The following XRRA1 variants were observed in gnomAD, a reference collection of about 807,000 sequenced individuals.
XRRA1 encodes the protein X-ray radiation resistance-associated protein 1.
In XRRA1, 69 loss-of-function variants were observed where a neutral mutation model predicts 80.2. The ratio of observed to expected loss-of-function variants is 0.86; its 90% CI spans 0.71 to 1.05. XRRA1 has a LOEUF of 1.05. Among genes scored for constraint, XRRA1 ranks in the 50% least tolerant of loss-of-function variants. The pLI, the probability that XRRA1 is intolerant of heterozygous loss-of-function variation, is 0.00. For missense variants in XRRA1, 967 were observed against 976.4 expected, an observed-to-expected ratio of 0.99 and a Z score of 0.13; for synonymous variants, 348 against 389.9, an observed-to-expected ratio of 0.89 and a Z score of 1.27.
rs909106622 is a variant in XRRA1 at position 74,944,491 on chromosome 11, G to C, written c.-5+527C>G. Among the ~76,000 whole-genome samples, 102 of 152,278 alleles carry C rather than the reference G, an allele frequency of 6.7e-4. 2 individuals carry two copies. The highest frequency in any genetic ancestry group is 2.2e-3 in the African/African-American group (92 of 41,550). Reference sequence around the variant, plus strand: ...ATAACAGATTCCATAAATATTTGTGGAATAAATGAATCAATGTTGGTACCT... The same window carrying C: ...ATAACAGATTCCATAAATATTTGTGCAATAAATGAATCAATGTTGGTACCT... On this transcript the variant is annotated intron_variant, in intron 2 of 18. Transcript: ENST00000684022.
intron 5 of XRRA1, among the ~76,000 whole-genome samples, chr11:74,931,157 C>T (rs906391897): frequency 3.3e-5 from 4 of 120,876 alleles, no homozygotes; most frequent in Non-Finnish European, 5.8e-5. Flanking sequence ...TGTGTATCAA[C>T]TATATATAAT....
intron 5 of XRRA1, chr11:74,931,838 T>C (rs1261732839): frequency 6.6e-6 from 1 of 152,240 alleles, no homozygotes; most frequent in African/African-American, 2.4e-5. Flanking sequence ...AGCACATTGT[T>C]CTCCAAAGTA....
intron 14 of XRRA1, 32 bp from the exon 15 acceptor site, chr11:74,848,494 T>C (rs1261671103): frequency 1.4e-5 from 21 of 1,553,338 alleles, no homozygotes; most frequent in African/African-American, 2.7e-5. Context: ...ATGAATTTGC[T>C]TCCTAATTAG....
At chr11:74,902,009 C>T (rs1450704578) in intron 10 of XRRA1, among the ~76,000 whole-genome samples, 1 of 152,202 alleles carries the variant, frequency 6.6e-6, no homozygotes, top group Admixed American at 6.5e-5. Context: ...CATGTGCAAA[C>T]TACCCATCTG....
In XRRA1 at chr11:74,921,364, A is replaced by T; in HGVS notation, c.523-17T>A. 2 of 1,613,730 alleles carry T rather than the reference A, an allele frequency of 1.2e-6. No individual in the cohort carries two copies. The highest frequency in any genetic ancestry group is 2.2e-5 in the South Asian group (2 of 91,054). ...GTCCAAGAACTGCCATGCAAAGATG[A>T]AAGATGGGGAAGGTAAGCACTCTGT... On this transcript the variant is annotated splice_polypyrimidine_tract_variant and intron_variant, in intron 7 of 18. Coordinates refer to ENST00000684022, the MANE Select transcript of XRRA1 (RefSeq NM_001378157.1).
intron 10 of XRRA1, among the ~76,000 whole-genome samples, chr11:74,877,566 C>A (rs887978557): frequency 2.0e-5 from 3 of 151,298 alleles, no homozygotes; most frequent in Non-Finnish European, 4.4e-5. Flanking sequence ...CACCCACTAA[C>A]TTGTCATCTA....
chr11:74,864,382 C>T (rs2042944927), intron 10 of XRRA1, among the ~76,000 whole-genome samples: 1 of 152,220 alleles, frequency 6.6e-6, no homozygotes, highest in African/African-American at 2.4e-5. Flanking sequence ...AAGTAACCCA[C>T]TCATGTCCCC....
chr11:74,913,246 T>C (rs1403832277), intron 8 of XRRA1, among the ~76,000 whole-genome samples: 1 of 152,192 alleles, frequency 6.6e-6, no homozygotes, highest in Non-Finnish European at 1.5e-5. Flanking sequence ...AAAACAATAC[T>C]GAATCCCTGA....
At chr11:74,940,746 G>T in intron 3 of XRRA1, 39 bp downstream of exon 3, 1 of 1,514,026 alleles carries the variant, frequency 6.6e-7, no homozygotes, top group East Asian at 2.4e-5. Context: ...GCACGAGCTA[G>T]GTATGAGGAA....
At chr11:74,868,090 T>C (rs1402066218) in intron 10 of XRRA1, among the ~76,000 whole-genome samples, 1 of 152,078 alleles carries the variant, frequency 6.6e-6, no homozygotes, top group Non-Finnish European at 1.5e-5. Context: ...CCTAATTTTT[T>C]GTATTTTTAG....
intron 10 of XRRA1, among the ~76,000 whole-genome samples, chr11:74,885,586 C>T (rs2048830157): frequency 6.6e-6 from 1 of 152,002 alleles, no homozygotes; most frequent in South Asian, 2.1e-4. Context: ...AAAAGCCTGC[C>T]AACCAAAAAA....
At chr11:74,866,687 T>G (rs1215904449) in intron 10 of XRRA1, among the ~76,000 whole-genome samples, 1 of 143,358 alleles carries the variant, frequency 7.0e-6, no homozygotes, top group Non-Finnish European at 1.5e-5. Context: ...AATCCTGGAA[T>G]TGAAAAATAT....
chr11:74,934,616 G>C (rs1944474721), intron 4 of XRRA1, among the ~76,000 whole-genome samples: 1 of 152,148 alleles, frequency 6.6e-6, no homozygotes, highest in African/African-American at 2.4e-5. Flanking sequence ...AGAAACCTAA[G>C]AGCTAAATAG....
In XRRA1 at chr11:74,936,966, G is replaced by A; in HGVS notation, c.197C>T (p.Ser66Phe). 1.2e-6 allele frequency: 2 copies of A among 1,613,792 alleles called. No homozygotes were observed. The highest frequency in any genetic ancestry group is 2.2e-5 in the East Asian group (1 of 44,870). The change falls in exon 4 of 19, where the codon TCT (serine) becomes TTT (phenylalanine). Residue 66 changes from serine to phenylalanine, a missense_variant. Coordinates refer to ENST00000684022, the MANE Select transcript of XRRA1 (RefSeq NM_001378157.1). The part of the protein sequence containing the change: ...AERRESLKAT[S>F]FEFKGKKESR... ...CTCTTTCTTCCCCTTGAACTCAAAAGAAGTCGCCTTCAGGCTTTCCCGACG... is the reference window on the plus strand; with the variant it reads ...CTCTTTCTTCCCCTTGAACTCAAAAAAAGTCGCCTTCAGGCTTTCCCGACG...
At chr11:74,884,811 C>T (rs1257007087) in intron 10 of XRRA1, among the ~76,000 whole-genome samples, 1 of 152,154 alleles carries the variant, frequency 6.6e-6, no homozygotes, top group African/African-American at 2.4e-5. Flanking sequence ...GCATTAAATA[C>T]CCACATCAAA....
At chr11:74,897,715 A>G (rs2052672744) in intron 10 of XRRA1, among the ~76,000 whole-genome samples, 2 of 150,894 alleles carry the variant, frequency 1.3e-5, no homozygotes, top group Non-Finnish European at 2.9e-5. Context: ...CTAAAAAAAA[A>G]AAAAAAAGAA....
At chr11:74,895,955 C>A (rs943638202) in intron 10 of XRRA1, among the ~76,000 whole-genome samples, 1 of 152,192 alleles carries the variant, frequency 6.6e-6, no homozygotes, top group African/African-American at 2.4e-5. Context: ...AAGGGAAGGA[C>A]CTAGTACTGG....
intron 10 of XRRA1, among the ~76,000 whole-genome samples, chr11:74,881,522 A>AT (rs1208259220): frequency 6.8e-6 from 1 of 147,988 alleles, no homozygotes; most frequent in African/African-American, 2.5e-5. Flanking sequence ...TTAGCTGGTT[A>AT]TTTTGCTCGT....
At chr11:74,882,142 C>T (rs1180706293) in intron 10 of XRRA1, among the ~76,000 whole-genome samples, 3 of 152,214 alleles carry the variant, frequency 2.0e-5, no homozygotes, top group African/African-American at 4.8e-5. Context: ...CTTTCAGGTA[C>T]ACCAAATCAG....
Sources: gnomAD v4.1 joint callset for allele counts (sites outside exome capture counted in the v4.1 genomes callset) on GRCh38, gnomAD v4.1.1 for gene constraint, MANE v1.5 for transcripts, NCBI Gene and HGNC (gene_info 2026-07-23, HGNC 2026-07-21) for gene names.